DPEP1: variants seen among roughly 807,000 people sequenced by gnomAD.
DPEP1 encodes the protein beta-lactamase.
Under a neutral mutation model 42.3 loss-of-function variants are expected in DPEP1, and 50 were observed. The ratio of observed to expected loss-of-function variants is 1.18; its 90% CI spans 0.94 to 1.50. The LOEUF is 1.50. Among genes scored for constraint, DPEP1 ranks in the 40% most tolerant of loss-of-function variants. The pLI is 0.00. For missense variants in DPEP1, 663 were observed against 553.0 expected (o/e 1.20, Z -1.99); for synonymous variants, 297 against 234.0 (o/e 1.27, Z -2.46).
intron 1 of DPEP1, among the ~76,000 whole-genome samples, chr16:89,615,141 C>T (rs455344): frequency 1.3e-5 from 2 of 152,012 alleles, no homozygotes; most frequent in African/African-American, 4.8e-5. Flanking sequence ...GTCTCCTTGT[C>T]GACAAAAGGT....
chr16:89,637,797 C>G (rs201191440), intron 9 of DPEP1, 39 bp from the exon 10 acceptor site: 1 of 1,612,604 alleles, frequency 6.2e-7, no homozygotes, highest in Non-Finnish European at 8.5e-7. Flanking sequence ...GGACCTGTGT[C>G]CTAGTGTGGG....
rs961736147 is a variant in DPEP1, at chr16:89,635,803, G to A, written c.105-105G>A. ...CCTAGACTTCAGTCCTGCGTCTGTC[G>A]TGAGGAGTAGGAAGTGGGGAGAGCA... On this transcript the variant is annotated intron_variant, in intron 2 of 10. Coordinates refer to ENST00000690203, the MANE Select transcript of DPEP1 (RefSeq NM_001389466.1). The A allele has an allele frequency of 4.7e-5, 67 of 1,424,246 alleles. 1 individual carries two copies. Among genetic ancestry groups the A allele is most frequent in the African/African-American group, 2.6e-4 (18 of 69,686 alleles). The allele number at this position is 1,424,246 out of a possible 1,614,324, so 88.2% of individuals were successfully genotyped here. A position where few individuals can be genotyped will look rare whatever the true frequency, so the allele number is the denominator to read the frequency against.
chr16:89,616,330 G>C lies in DPEP1; in HGVS notation c.-107+2611G>C, dbSNP rs909846647. Among the ~76,000 whole-genome samples, 5 of 152,160 alleles carry C rather than the reference G, an allele frequency of 3.3e-5. 1 individual carries two copies. Among genetic ancestry groups the C allele is most frequent in the African/African-American group, 1.2e-4 (5 of 41,438 alleles). ...CGGGTCCTGGGTCACCCACTCCGGGGCTGACCGGGCACAGTTTCACAGAGC... is the reference window on the plus strand; with the variant it reads ...CGGGTCCTGGGTCACCCACTCCGGGCCTGACCGGGCACAGTTTCACAGAGC... On this transcript the variant is annotated intron_variant, in intron 1 of 10. Coordinates refer to ENST00000690203, the MANE Select transcript of DPEP1 (RefSeq NM_001389466.1).
chr16:89,628,863 G>T (rs1374151477), intron 1 of DPEP1, among the ~76,000 whole-genome samples: 3 of 152,040 alleles, frequency 2.0e-5, no homozygotes, highest in African/African-American at 7.2e-5. Context: ...GTCTTGATCT[G>T]TTGCCCAGGC....
chr16:89,624,509 G>A (rs1417251142), intron 1 of DPEP1, among the ~76,000 whole-genome samples: 3 of 151,596 alleles, frequency 2.0e-5, no homozygotes, highest in Non-Finnish European at 4.4e-5. Flanking sequence ...GGGTGAGAGG[G>A]GCGCTGTTAC....
At chr16:89,635,570 C>G (rs1012560954) in intron 2 of DPEP1, among the ~76,000 whole-genome samples, 1 of 152,208 alleles carries the variant, frequency 6.6e-6, no homozygotes, top group Non-Finnish European at 1.5e-5. Context: ...CCAATCCTGT[C>G]CACTGAGGTC....
chr16:89,618,033 A>G (rs1330842964), intron 1 of DPEP1, among the ~76,000 whole-genome samples: 1 of 152,018 alleles, frequency 6.6e-6, no homozygotes, highest in East Asian at 1.9e-4. Context: ...CAAAAAATAT[A>G]AAAAAATAAA....
At chr16:89,626,649 C>A (rs116885385) in intron 1 of DPEP1, among the ~76,000 whole-genome samples, 9,729 of 152,194 alleles carry the variant, frequency 0.064, 409 homozygotes, top group Non-Finnish European at 0.098. Context: ...CCACCGCACC[C>A]AGCCTAAGAT....
Position 89,636,399 on chromosome 16 carries a change from G to A in DPEP1, c.370+3G>A. 4 of 1,610,934 alleles carry A rather than the reference G, an allele frequency of 2.5e-6. No individual in the cohort carries two copies. The highest frequency in any genetic ancestry group is 3.4e-6 in the Non-Finnish European group (4 of 1,178,954). ...CCTGTATGTCACCAGCAGTGCAGGT[G>A]GGGTCCTGACCTGGGTCCTCCAGGT... On this transcript the variant is annotated splice_donor_region_variant and intron_variant, in intron 4 of 10. Transcript: ENST00000690203.
In DPEP1 at chr16:89,636,945, G is replaced by A; in HGVS notation, c.591+10G>A. On this transcript the variant is annotated intron_variant, in intron 6 of 10. Coordinates refer to ENST00000690203, the MANE Select transcript of DPEP1 (RefSeq NM_001389466.1). ...GTCACCCTTTGGGCAGGTGAGTGGG[G>A]TGGGAGCGGCCAGTCACCCCCGAGG... 6.2e-7 allele frequency: 1 copy of A among 1,612,008 alleles called. No homozygotes were observed. The highest frequency in any genetic ancestry group is 1.3e-5 in the African/African-American group (1 of 75,058).
chr16:89,616,712 G>A lies in DPEP1; in HGVS notation c.-107+2993G>A, dbSNP rs2059381693. Among the ~76,000 whole-genome samples the A allele has an allele frequency of 2.0e-5, 3 of 152,042 alleles. No individual in the cohort carries two copies. The South Asian group carries it at 6.2e-4, about 32-fold the overall frequency. ...CCCTCAGCACACTCCGCGAAGGGCAGTGCAAACGCACGCTGGCAGGAAGTG... is the reference window on the plus strand; with the variant it reads ...CCCTCAGCACACTCCGCGAAGGGCAATGCAAACGCACGCTGGCAGGAAGTG... On this transcript the variant is annotated intron_variant, in intron 1 of 10. Coordinates refer to ENST00000690203, the MANE Select transcript of DPEP1 (RefSeq NM_001389466.1).
chr16:89,634,216 G>A (rs1041852163), intron 2 of DPEP1, among the ~76,000 whole-genome samples: 4 of 151,048 alleles, frequency 2.6e-5, no homozygotes, highest in Non-Finnish European at 5.9e-5. Flanking sequence ...AGCCTCTTGA[G>A]TAGCTGGGAC....
At chr16:89,636,820 C>G in intron 5 of DPEP1, 46 bp from the exon 6 acceptor site, 4 of 1,609,280 alleles carry the variant, frequency 2.5e-6, no homozygotes, top group Non-Finnish European at 1.7e-6. Flanking sequence ...GATGGGAGGC[C>G]GAGACCACCG....
At chr16:89,629,685 T>C (rs1055356044) in intron 1 of DPEP1, among the ~76,000 whole-genome samples, 7 of 152,218 alleles carry the variant, frequency 4.6e-5, no homozygotes, top group Admixed American at 3.9e-4. Flanking sequence ...CTCGGGCGAC[T>C]TGAATGTGCT....
chr16:89,626,343 T>G (rs1207188043), intron 1 of DPEP1: 1 of 152,160 alleles, frequency 6.6e-6, no homozygotes, highest in Non-Finnish European at 1.5e-5. Flanking sequence ...GTTGTTGTTT[T>G]TGTTGGTGGT....
intron 1 of DPEP1, among the ~76,000 whole-genome samples, chr16:89,627,481 G>T (rs1472301768): frequency 6.7e-6 from 1 of 150,050 alleles, no homozygotes; most frequent in Non-Finnish European, 1.5e-5. Context: ...TACTCCGGAG[G>T]CCGAGGCATG....
intron 1 of DPEP1, among the ~76,000 whole-genome samples, chr16:89,628,277 G>C (rs2059543356): frequency 7.8e-6 from 1 of 128,530 alleles, no homozygotes; most frequent in South Asian, 2.5e-4. Flanking sequence ...TTTTTTGTGA[G>C]ATAGAGATTT....
intron 1 of DPEP1, among the ~76,000 whole-genome samples, chr16:89,626,069 G>A (rs1597752611): frequency 6.6e-6 from 1 of 152,080 alleles, no homozygotes; most frequent in Admixed American, 6.6e-5. Flanking sequence ...CCCTCTACCT[G>A]CCCCCCGTCC....
intron 5 of DPEP1, 65 bp from the exon 6 acceptor site, chr16:89,636,801 T>C: frequency 6.2e-7 from 1 of 1,606,556 alleles, no homozygotes; most frequent in Admixed American, 1.7e-5. Flanking sequence ...GGGCCTCGCC[T>C]GCTGGGCTGA....
Sources: allele counts gnomAD v4.1 joint callset (sites outside exome capture counted in the v4.1 genomes callset), GRCh38; gene constraint gnomAD v4.1.1; transcripts MANE v1.5; gene names NCBI Gene and HGNC (gene_info 2026-07-23, HGNC 2026-07-21).